ANKRD36B: variants seen among roughly 807,000 people sequenced by gnomAD.
ANKRD36B encodes ankyrin repeat domain-containing protein 36B.
Under a neutral mutation model 135.7 loss-of-function variants are expected in ANKRD36B, and 37 were observed. The ratio of observed to expected loss-of-function variants is 0.27; its 90% CI spans 0.21 to 0.36. The LOEUF (loss-of-function observed/expected upper bound fraction) is 0.36, where lower values mean the gene tolerates loss of function less well. ANKRD36B is among the 10% of genes least tolerant of loss of function. The pLI is 1.00. For missense variants in ANKRD36B, 549 were observed against 1,037.1 expected (o/e 0.53, Z 6.46); for synonymous variants, 179 against 348.1 (o/e 0.51, Z 5.41).
At chr2:97,568,385 C>G (rs1231966287) in intron 6 of ANKRD36B, among the ~76,000 whole-genome samples, 1 of 152,098 alleles carries the variant, frequency 6.6e-6, no homozygotes, top group Non-Finnish European at 1.5e-5. Context: ...ACACAGGATA[C>G]AGAGTAGGGT....
At chr2:97,560,619 T>C in intron 8 of ANKRD36B, 46 bp downstream of exon 8, 1 of 1,596,256 alleles carries the variant, frequency 6.3e-7, no homozygotes. Flanking sequence ...GGAATTTCTC[T>C]TCTATCTTGA....
intron 16 of ANKRD36B, among the ~76,000 whole-genome samples, chr2:97,552,488 A>G (rs555211427): frequency 4.6e-5 from 7 of 152,038 alleles, no homozygotes; most frequent in African/African-American, 1.7e-4. Context: ...TCTGATGCCT[A>G]ATAGTAACAA....
At chr2:97,562,501 C>G (rs1184728520) in intron 6 of ANKRD36B, among the ~76,000 whole-genome samples, 1 of 151,950 alleles carries the variant, frequency 6.6e-6, no homozygotes. Flanking sequence ...AAATGAGACC[C>G]TGTGGGTTAC....
At chr2:97,554,257 T>C (rs1251880040) in intron 14 of ANKRD36B, among the ~76,000 whole-genome samples, 2 of 152,008 alleles carry the variant, frequency 1.3e-5, no homozygotes, top group Non-Finnish European at 2.9e-5. Context: ...CATACTATTC[T>C]CTAAATAATA....
At chr2:97,546,951 A>G (rs2079525835) in intron 22 of ANKRD36B, among the ~76,000 whole-genome samples, 1 of 151,686 alleles carries the variant, frequency 6.6e-6, no homozygotes, top group Non-Finnish European at 1.5e-5. Context: ...TTCCTGGAGC[A>G]GCCAAAATCA....
Position 97,541,299 on chromosome 2 carries a change from G to A in ANKRD36B, c.1885+612C>T, listed in dbSNP as rs2079139821. Among the ~76,000 whole-genome samples the A allele has an allele frequency of 2.1e-5, 2 of 96,630 alleles. 1 individual carries two copies. Among genetic ancestry groups the A allele is most frequent in the Non-Finnish European group, 5.5e-5 (2 of 36,092 alleles). 63.4% of individuals were successfully genotyped at this position (96,630 alleles called of 152,430 possible). Reference sequence around the variant, plus strand: ...TATCCCAATTCTAGCATTGTTTCCTGCTTCCAGTAGTTCTTGGAGAAGCCA... The same window carrying A: ...TATCCCAATTCTAGCATTGTTTCCTACTTCCAGTAGTTCTTGGAGAAGCCA... On this transcript the variant is annotated intron_variant, in intron 28 of 43. Coordinates refer to ENST00000359901, the MANE Select transcript of ANKRD36B (RefSeq NM_001393939.1).
intron 14 of ANKRD36B, among the ~76,000 whole-genome samples, chr2:97,554,466 G>T (rs1411159123): frequency 6.6e-6 from 1 of 151,846 alleles, no homozygotes; most frequent in Non-Finnish European, 1.5e-5. Flanking sequence ...GTAGTTCCTG[G>T]AGCTGCCAAA....
chr2:97,553,332 A>G lies in ANKRD36B; in HGVS notation c.1200+11T>C. On this transcript the variant is annotated intron_variant, in intron 15 of 43. Coordinates refer to ENST00000359901, the MANE Select transcript of ANKRD36B (RefSeq NM_001393939.1). Reference sequence around the variant, plus strand: ...TTTACTAGTTCACAACATAAATGAGAGTTCAATTACCTTCAAGGCTTGTTG... The same window carrying G: ...TTTACTAGTTCACAACATAAATGAGGGTTCAATTACCTTCAAGGCTTGTTG... 6.2e-7 allele frequency: 1 copy of G among 1,609,616 alleles called. No individual in the cohort carries two copies. Among genetic ancestry groups the G allele is most frequent in the Non-Finnish European group, 8.5e-7 (1 of 1,178,548 alleles).
intron 12 of ANKRD36B, among the ~76,000 whole-genome samples, chr2:97,556,388 T>A (rs1396244182): frequency 6.6e-6 from 1 of 151,888 alleles, no homozygotes; most frequent in African/African-American, 2.4e-5. Context: ...TAAATGCATC[T>A]GAGGTGAGTT....
chr2:97,527,015 C>G (rs549473563), intron 35 of ANKRD36B, among the ~76,000 whole-genome samples: 1 of 96,286 alleles, frequency 1.0e-5, no homozygotes, highest in South Asian at 2.4e-4. Context: ...CCCAATCTAG[C>G]AAGGCAGGCC....
At chr2:97,586,155 A>T (rs1339664734) in intron 1 of ANKRD36B, among the ~76,000 whole-genome samples, 1 of 152,220 alleles carries the variant, frequency 6.6e-6, no homozygotes, top group Admixed American at 6.5e-5. Context: ...GTGGAAAAAG[A>T]AGGCAAAAAT....
chr2:97,551,680 C>A (rs551562226), intron 16 of ANKRD36B, among the ~76,000 whole-genome samples, 200 bp from the exon 17 acceptor site: 3 of 151,910 alleles, frequency 2.0e-5, no homozygotes, highest in African/African-American at 7.2e-5. Context: ...AAATATACCC[C>A]TGCAATTTCA....
In ANKRD36B at chr2:97,568,973, T is replaced by C. The variant is rs185741702; in HGVS notation, c.763+7406A>G. On this transcript the variant is annotated intron_variant, in intron 6 of 43. Transcript: ENST00000359901. ...AATAAGAAACATATTTGTATGCCTA[T>C]AGTATTCACTAGCTGGTCTATTTCC... Among the ~76,000 whole-genome samples, 6 of 152,302 alleles carry C rather than the reference T, an allele frequency of 3.9e-5. No homozygotes were observed. The East Asian group carries it at 7.7e-4, about 20-fold the overall frequency.
Position 97,558,842 on chromosome 2 carries a change from T to C in ANKRD36B, c.924A>G (p.Ser308=). The C allele has an allele frequency of 6.2e-7, 1 of 1,611,472 alleles. No individual in the cohort carries two copies. The highest frequency in any genetic ancestry group is 8.5e-7 in the Non-Finnish European group (1 of 1,178,768). Residue 308 remains serine, a synonymous_variant, in exon 10 of 44, where the codon TCA becomes TCG. Transcript: ENST00000359901. ...CCTCCTTTATTTCTGTGGCTATATT[T>C]GAAACAGAATCTTTCTCGTCACTTG... The part of the protein sequence containing the change: ...KATSDEKDSV[S]NIATEIKEGQ...
In ANKRD36B at chr2:97,541,731, T is replaced by G. The variant is rs568923949; in HGVS notation, c.1885+180A>C. ...GTAGGGAAGTCTACAATCTTACTAC[T>G]CAGATCATGGTCAAGGACCAGCACC... On this transcript the variant is annotated intron_variant, in intron 28 of 43. Transcript: ENST00000359901. 2.2e-5 allele frequency: 12 copies of G among 544,688 alleles called. 4 individuals carry two copies. Among genetic ancestry groups the G allele is most frequent in the Non-Finnish European group, 3.5e-5 (10 of 288,008 alleles). The allele number at this position is 544,688 out of a possible 1,614,324, so 33.7% of individuals were successfully genotyped here. A position where few individuals can be genotyped will look rare whatever the true frequency, so the allele number is the denominator to read the frequency against.
intron 24 of ANKRD36B, among the ~76,000 whole-genome samples, chr2:97,544,247 C>T (rs1332268045): frequency 2.7e-5 from 2 of 72,872 alleles, no homozygotes; most frequent in East Asian, 5.7e-4. Context: ...GTGTCAATAT[C>T]AATGTGGATA....
intron 3 of ANKRD36B, among the ~76,000 whole-genome samples, chr2:97,582,922 T>A (rs189319604): frequency 6.6e-6 from 1 of 152,098 alleles, no homozygotes; most frequent in Admixed American, 6.5e-5. Context: ...ATAGGACTGC[T>A]GCAACTAAAT....
rs139930280 is a variant in ANKRD36B, at chr2:97,546,987, A to G, written c.1579+549T>C. On this transcript the variant is annotated intron_variant, in intron 22 of 43. Transcript: ENST00000359901. ...AATAACTTTTATGAAAATATTCCAAATGCATCTGAAGTGAGTTCACTCAGG... is the reference window on the plus strand; with the variant it reads ...AATAACTTTTATGAAAATATTCCAAGTGCATCTGAAGTGAGTTCACTCAGG... Among the ~76,000 whole-genome samples, 596 of 151,770 alleles carry G rather than the reference A, an allele frequency of 3.9e-3. 5 individuals are homozygous for G. Among genetic ancestry groups the G allele is most frequent in the East Asian group, 0.012 (64 of 5,128 alleles).
chr2:97,546,724 G>A (rs747054010), intron 22 of ANKRD36B, among the ~76,000 whole-genome samples: 2 of 151,664 alleles, frequency 1.3e-5, no homozygotes, highest in African/African-American at 2.4e-5. Flanking sequence ...CTTTTTGGGA[G>A]GACCATGTTA....
Sources: gnomAD v4.1 joint callset for allele counts (sites outside exome capture counted in the v4.1 genomes callset) on GRCh38, gnomAD v4.1.1 for gene constraint, MANE v1.5 for transcripts, NCBI Gene and HGNC (gene_info 2026-07-23, HGNC 2026-07-21) for gene names.